Variants in MBP observed in about 807,000 individuals in gnomAD.
MBP encodes myelin basic protein.
MBP carries 16 observed loss-of-function variants against 35.8 expected under a neutral mutation model. The observed-to-expected ratio is 0.45, with a 90% CI of 0.30 to 0.68. The LOEUF (loss-of-function observed/expected upper bound fraction) is 0.68. Ranked by LOEUF, MBP falls within the 30% of genes least tolerant of loss-of-function variation. The probability of loss-of-function intolerance (pLI) is 0.08; values close to 1 mark genes in which losing one functional copy is unlikely to be tolerated. For missense variants in MBP, 380 were observed against 404.7 expected (o/e 0.94, Z 0.52); for synonymous variants, 143 against 159.6 (o/e 0.90, Z 0.78).
At chr18:77,072,550 G>A (rs756971364) in intron 2 of MBP, among the ~76,000 whole-genome samples, 14 of 152,162 alleles carry the variant, frequency 9.2e-5, no homozygotes, top group Non-Finnish European at 1.6e-4. Context: ...TTTCTATGTG[G>A]TCATCGTGAA....
rs528525453 is a variant in MBP at position 76,994,927 on chromosome 18, C to T, written c.577-4867G>A. Among the ~76,000 whole-genome samples the T allele has an allele frequency of 1.4e-3, 212 of 152,274 alleles. 1 individual carries two copies. Among genetic ancestry groups the T allele is most frequent in the Middle Eastern group, 6.8e-3 (2 of 294 alleles). ...AAGAGTGACTGAACTAGGGCTTTGA[C>T]TTGGGCTTTTAGCCATAAATCATCA... is the stretch of plus-strand genomic sequence containing the variant. On this transcript the variant is annotated intron_variant, in intron 4 of 8. Coordinates refer to ENST00000355994, the MANE Select transcript of MBP (RefSeq NM_001025101.2).
chr18:77,041,555 G>GA (rs1381911393), intron 3 of MBP, among the ~76,000 whole-genome samples: 2 of 152,160 alleles, frequency 1.3e-5, no homozygotes, highest in African/African-American at 4.8e-5. Context: ...TAGACTGGAT[G>GA]AAGAAAATGT....
rs1279447938 is a variant in MBP, at chr18:77,020,490, T to C, written c.140-3222A>G. Among the ~76,000 whole-genome samples the C allele has an allele frequency of 6.6e-6, 1 of 152,180 alleles. No individual in the cohort carries two copies. The highest frequency in any genetic ancestry group is 1.5e-5 in the Non-Finnish European group (1 of 68,020). ...GGGACTTAGGATATGGTCCTGTCAC[T>C]GCTATGACTCATTGCAATGAGAGGT... On this transcript the variant is annotated intron_variant, in intron 3 of 8. Coordinates refer to ENST00000355994, the MANE Select transcript of MBP (RefSeq NM_001025101.2). The surrounding 1 kb of genome is among the most constrained non-coding windows in gnomAD (Gnocchi z 4.1).
intron 2 of MBP, among the ~76,000 whole-genome samples, chr18:77,077,029 C>T (rs926007762): frequency 1.3e-5 from 2 of 152,072 alleles, no homozygotes. Context: ...TTATAAAGTG[C>T]CTGGCACAGA....
intron 2 of MBP, among the ~76,000 whole-genome samples, chr18:77,077,473 T>G (rs1381769913): frequency 2.0e-5 from 3 of 152,116 alleles, no homozygotes; most frequent in East Asian, 3.9e-4. Flanking sequence ...TCCCAGGCCC[T>G]CACTGCATTC....
At chr18:77,041,996 C>T (rs1039088818) in intron 3 of MBP, among the ~76,000 whole-genome samples, 2 of 151,956 alleles carry the variant, frequency 1.3e-5, no homozygotes. Context: ...CCACAGACCC[C>T]GCATCATCGA....
At chr18:77,049,821 A>C (rs1973410018) in intron 3 of MBP, among the ~76,000 whole-genome samples, 3 of 152,120 alleles carry the variant, frequency 2.0e-5, no homozygotes. Context: ...CTGGGACTAC[A>C]GGTGTCCATC....
intron 4 of MBP, among the ~76,000 whole-genome samples, chr18:76,999,037 G>T (rs562475409): frequency 6.8e-6 from 1 of 147,242 alleles, no homozygotes; most frequent in Non-Finnish European, 1.5e-5. Context: ...CAGTGTTTTG[G>T]GGGGTTTTTC....
At chr18:77,030,337 G>A (rs1555717433) in intron 3 of MBP, among the ~76,000 whole-genome samples, 1 of 152,212 alleles carries the variant, frequency 6.6e-6, no homozygotes, top group Non-Finnish European at 1.5e-5. Context: ...GGGACTCTGT[G>A]TGGAAAGAGC....
In MBP at chr18:76,988,100, G is replaced by A. The variant is rs901919208; in HGVS notation, c.750+395C>T. On this transcript the variant is annotated intron_variant, in intron 7 of 8. Transcript: ENST00000355994. The surrounding 1 kb of genome is among the most constrained non-coding windows in gnomAD (Gnocchi z 5.2). ...TGTCAGCATCTGGGGTCACTGAGAC[G>A]GGCCAGCCAGTCCCACTTCCACATG... 1.8e-5 allele frequency: 27 copies of A among 1,500,506 alleles called. No homozygotes were observed. The highest frequency in any genetic ancestry group is 9.7e-5 in the African/African-American group (7 of 72,178). The allele number at this position is 1,500,506 out of a possible 1,614,324, so 92.9% of individuals were successfully genotyped here.
intron 4 of MBP, among the ~76,000 whole-genome samples, chr18:77,002,156 C>T (rs568992052): frequency 6.6e-6 from 1 of 152,278 alleles, no homozygotes; most frequent in South Asian, 2.1e-4. Flanking sequence ...GCCTGGAGAC[C>T]TCTGGCCTCT....
chr18:77,130,196 G>A (rs368930072), intron 1 of MBP, among the ~76,000 whole-genome samples: 10 of 152,212 alleles, frequency 6.6e-5, no homozygotes, highest in African/African-American at 2.2e-4. Flanking sequence ...AACCTGTGTG[G>A]GACATCTCTG....
chr18:77,102,354 G>C lies in MBP; in HGVS notation c.51+2857C>G, dbSNP rs1976063386. On this transcript the variant is annotated intron_variant, in intron 2 of 8. Coordinates refer to ENST00000355994, the MANE Select transcript of MBP (RefSeq NM_001025101.2). This position sits in a 1 kb window ranked among gnomAD's most constrained non-coding sequence, Gnocchi z 4.4. Reference sequence around the variant, plus strand: ...CCAGAATCACACACAGAAATGTGCAGAGTGGTAGGTGACACGGCTGGAGCT... The same window carrying C: ...CCAGAATCACACACAGAAATGTGCACAGTGGTAGGTGACACGGCTGGAGCT... Among the ~76,000 whole-genome samples the C allele has an allele frequency of 6.6e-6, 1 of 152,232 alleles. No homozygotes were observed. The highest frequency in any genetic ancestry group is 2.4e-5 in the African/African-American group (1 of 41,446).
intron 4 of MBP, among the ~76,000 whole-genome samples, chr18:76,997,587 A>T (rs927345752): frequency 7.9e-5 from 12 of 152,212 alleles, no homozygotes; most frequent in African/African-American, 2.9e-4. Flanking sequence ...TGTGCTGAGC[A>T]CGGGAAGAAA....
intron 8 of MBP, chr18:76,983,519 T>C (rs1481540808): frequency 6.6e-6 from 1 of 152,186 alleles, no homozygotes; most frequent in Admixed American, 6.5e-5. Flanking sequence ...TACAGCATGA[T>C]GGCCCTGAGA....
At chr18:77,032,712 G>A (rs1259378735) in intron 3 of MBP, among the ~76,000 whole-genome samples, 3 of 152,188 alleles carry the variant, frequency 2.0e-5, no homozygotes, top group East Asian at 1.9e-4. Flanking sequence ...ATGTAGATTC[G>A]GTTAGGTTGT....
chr18:77,133,480 T>TA (rs369757710), upstream of MBP: 4 of 152,382 alleles, frequency 2.6e-5, no homozygotes. Context: ...GCTGTCTTGT[T>TA]AAAAAGAAAA....
intron 3 of MBP, among the ~76,000 whole-genome samples, chr18:77,048,895 C>T (rs1973365964): frequency 6.6e-6 from 1 of 151,922 alleles, no homozygotes. Context: ...CAAGAATAAT[C>T]TCTACGAGGG....
chr18:77,037,916 A>G (rs1972842552), intron 3 of MBP, among the ~76,000 whole-genome samples: 1 of 152,266 alleles, frequency 6.6e-6, no homozygotes. Flanking sequence ...TTTGAAATAA[A>G]TCACACTGCT....
Sources: gnomAD v4.1 joint callset for allele counts (sites outside exome capture counted in the v4.1 genomes callset) on GRCh38, gnomAD v4.1.1 for gene constraint, Gnocchi (gnomAD v3.1) non-coding constraint, MANE v1.5 for transcripts, NCBI Gene and HGNC (gene_info 2026-07-23, HGNC 2026-07-21) for gene names.